DOCK10: variants seen among roughly 807,000 people sequenced by gnomAD.
DOCK10 encodes the protein dedicator of cytokinesis protein 10.
DOCK10 carries 145 observed loss-of-function variants against 280.1 expected under a neutral mutation model. The observed-to-expected ratio is 0.52, with a 90% CI of 0.45 to 0.59. The LOEUF is 0.59. Among genes scored for constraint, DOCK10 ranks in the 20% least tolerant of loss-of-function variants. The pLI, the probability that DOCK10 is intolerant of heterozygous loss-of-function variation, is 0.00. For synonymous variants in DOCK10, 915 were observed against 942.2 expected, an observed-to-expected ratio of 0.97 and a Z score of 0.53; for missense variants, 2,368 against 2,651.7, an observed-to-expected ratio of 0.89 and a Z score of 2.35.
At chr2:225,022,979 T>C (rs1287731673) in intron 1 of DOCK10, among the ~76,000 whole-genome samples, 1 of 152,188 alleles carries the variant, frequency 6.6e-6, no homozygotes, top group Non-Finnish European at 1.5e-5. Flanking sequence ...TTGGAGGAGA[T>C]GCTCATGAAA....
intron 1 of DOCK10, among the ~76,000 whole-genome samples, chr2:224,933,086 A>G (rs1575078818): frequency 6.6e-6 from 1 of 152,190 alleles, no homozygotes; most frequent in African/African-American, 2.4e-5. Context: ...TAAAAAAGAA[A>G]TACCCCACAC....
In DOCK10 at chr2:224,800,136, TATC is replaced by T. The variant is rs1300783266; in HGVS notation, c.4506+12_4506+14del. ...TTTCATCATTTTTTGCAGAAAATGT[TATC>T]ATCATATTCACCTGATGAGTCTGTG... On this transcript the variant is annotated intron_variant, in intron 41 of 55. Transcript: ENST00000258390. 4.1e-6 allele frequency: 6 copies of T among 1,473,244 alleles called. No homozygotes were observed. The highest frequency in any genetic ancestry group is 1.8e-5 in the Admixed American group (1 of 55,610). The allele number at this position is 1,473,244 out of a possible 1,614,324, so 91.3% of individuals were successfully genotyped here.
intron 4 of DOCK10, among the ~76,000 whole-genome samples, chr2:224,895,734 A>G (rs1249009683): frequency 6.6e-6 from 1 of 151,960 alleles, no homozygotes; most frequent in African/African-American, 2.4e-5. Context: ...TTTTGAGCAG[A>G]AGCAGAACAA....
At chr2:224,790,461 A>T (rs988663731) in intron 47 of DOCK10, among the ~76,000 whole-genome samples, 6 of 152,192 alleles carry the variant, frequency 3.9e-5, no homozygotes, top group African/African-American at 1.4e-4. Context: ...CCTTCTATGT[A>T]GCAAGTGCTT....
In DOCK10 at chr2:224,804,790, G is replaced by T; in HGVS notation, c.4166+4C>A. 1 of 1,498,706 alleles carries T rather than the reference G, an allele frequency of 6.7e-7. No homozygotes were observed. The highest frequency in any genetic ancestry group is 8.9e-7 in the Non-Finnish European group (1 of 1,121,294). 92.8% of individuals were successfully genotyped at this position (1,498,706 alleles called of 1,614,324 possible). ...ATTAACCTATTGGAATTTAAAATTA[G>T]TACCTTATTATGTTGCGTTTTCCTA... On this transcript the variant is annotated splice_donor_region_variant and intron_variant, in intron 38 of 55. Coordinates refer to ENST00000258390, the MANE Select transcript of DOCK10 (RefSeq NM_014689.3).
chr2:224,798,443 C>T (rs773126268), intron 41 of DOCK10, among the ~76,000 whole-genome samples: 4 of 152,066 alleles, frequency 2.6e-5, no homozygotes, highest in Non-Finnish European at 5.9e-5. Flanking sequence ...GTCACAGGTT[C>T]TTGAAGGCAC....
intron 1 of DOCK10, among the ~76,000 whole-genome samples, chr2:224,973,012 T>C (rs1270278640): frequency 6.6e-6 from 1 of 152,236 alleles, no homozygotes; most frequent in Non-Finnish European, 1.5e-5. Flanking sequence ...TTACACATTT[T>C]ATGAAGCACA....
intron 28 of DOCK10, among the ~76,000 whole-genome samples, chr2:224,822,457 A>T (rs1410400963): frequency 6.6e-6 from 1 of 152,176 alleles, no homozygotes; most frequent in Non-Finnish European, 1.5e-5. Flanking sequence ...AGCGTGGGTC[A>T]ACCTTGGTGG....
At chr2:224,942,127 C>G (rs1395682256) in intron 1 of DOCK10, among the ~76,000 whole-genome samples, 1 of 152,224 alleles carries the variant, frequency 6.6e-6, no homozygotes, top group Non-Finnish European at 1.5e-5. Flanking sequence ...TTTAACTCTT[C>G]TCCCTCCCTT....
chr2:224,778,035 G>C, intron 51 of DOCK10, 103 bp downstream of exon 51: 1 of 1,243,056 alleles, frequency 8.0e-7, no homozygotes, highest in South Asian at 1.6e-5. Flanking sequence ...CGTTTTTGTA[G>C]TTTACTTTGC....
chr2:224,789,496 G>A (rs547488807), intron 47 of DOCK10, among the ~76,000 whole-genome samples: 1 of 152,122 alleles, frequency 6.6e-6, no homozygotes, highest in East Asian at 1.9e-4. Flanking sequence ...TGTTAAACTG[G>A]GGACATTAAT....
chr2:224,853,204 C>G (rs1470710442), intron 16 of DOCK10, 82 bp from the exon 17 acceptor site: 1 of 1,245,822 alleles, frequency 8.0e-7, no homozygotes, highest in Non-Finnish European at 1.1e-6. Flanking sequence ...TTAAAATGAA[C>G]CCACTCAAGA....
At chr2:224,819,741 CAG>C (rs1283556385) in intron 28 of DOCK10, among the ~76,000 whole-genome samples, 2 of 151,616 alleles carry the variant, frequency 1.3e-5, no homozygotes, top group African/African-American at 2.4e-5. Flanking sequence ...GAAAATGAAA[CAG>C]GGCAATATAC....
At chr2:225,034,679 T>C (rs1690174775) in intron 1 of DOCK10, among the ~76,000 whole-genome samples, 1 of 152,112 alleles carries the variant, frequency 6.6e-6, no homozygotes, top group Non-Finnish European at 1.5e-5. Flanking sequence ...ACTATAAAAG[T>C]AGTGAAACAG....
At chr2:224,945,238 C>T (rs1703331520) in intron 1 of DOCK10, among the ~76,000 whole-genome samples, 1 of 152,108 alleles carries the variant, frequency 6.6e-6, no homozygotes, top group Non-Finnish European at 1.5e-5. Flanking sequence ...TAATCTCAAA[C>T]CAGGCAATAT....
At chr2:225,000,908 A>G (rs1325148293) in intron 1 of DOCK10, among the ~76,000 whole-genome samples, 1 of 152,194 alleles carries the variant, frequency 6.6e-6, no homozygotes, top group African/African-American at 2.4e-5. Flanking sequence ...CTGAGGACGC[A>G]GAGGTTGCAG....
intron 2 of DOCK10, among the ~76,000 whole-genome samples, chr2:224,922,594 C>T (rs1178513522): frequency 6.6e-6 from 1 of 152,174 alleles, no homozygotes; most frequent in African/African-American, 2.4e-5. Context: ...CAGACATCCT[C>T]CCTTGCAGCC....
At position 224,770,225 on chromosome 2, in the gene DOCK10, CTG is replaced by C. The variant is rs1244257495; in HGVS notation, c.6428_6429del (p.Thr2143SerfsTer4). ...GGAGCGCTCACCTGCTCATTCATGA[CTG>C]TGGAGAGTTCGCTGAGCATGTCCTT... ...HYKDMLSELS[T>X]VMNEQITGRD... On this transcript the variant is annotated frameshift_variant, in exon 55 of 56. Transcript: ENST00000258390. LOFTEE classifies it low-confidence loss of function (END_TRUNC). This position sits in a 1 kb window ranked among gnomAD's most constrained non-coding sequence, Gnocchi z 4.5. 1.3e-6 allele frequency: 2 copies of C among 1,592,206 alleles called. No homozygotes were observed. The highest frequency in any genetic ancestry group is 1.7e-6 in the Non-Finnish European group (2 of 1,170,052).
chr2:225,041,422 G>A (rs1457599308), intron 1 of DOCK10, among the ~76,000 whole-genome samples: 1 of 152,168 alleles, frequency 6.6e-6, no homozygotes. Flanking sequence ...CCCCGGCAGT[G>A]TGGACCTACT....
Sources: allele counts gnomAD v4.1 joint callset (sites outside exome capture counted in the v4.1 genomes callset), GRCh38; gene constraint gnomAD v4.1.1; non-coding constraint Gnocchi (gnomAD v3.1); transcripts MANE v1.5; gene names NCBI Gene and HGNC (gene_info 2026-07-23, HGNC 2026-07-21).